Variants in PLXDC2 observed in about 807,000 individuals in gnomAD.
PLXDC2 encodes the protein plexin domain containing 2.
PLXDC2 carries 40 observed loss-of-function variants against 68.9 expected under a neutral mutation model. That is an observed-to-expected ratio of 0.58 (90% CI 0.45 to 0.76). PLXDC2 has a LOEUF of 0.76. Among genes scored for constraint, PLXDC2 ranks in the 30% least tolerant of loss-of-function variants. The pLI is 0.00. For synonymous variants in PLXDC2, 243 were observed against 234.2 expected, an observed-to-expected ratio of 1.04 and a Z score of -0.34; for missense variants, 644 against 661.9, an observed-to-expected ratio of 0.97 and a Z score of 0.30.
chr10:20,133,986 G>A (rs1187664739), intron 4 of PLXDC2, among the ~76,000 whole-genome samples: 1 of 152,092 alleles, frequency 6.6e-6, no homozygotes, highest in Admixed American at 6.6e-5. Context: ...TAACAAGTCT[G>A]CTGTTGAACC....
At chr10:19,925,299 C>G (rs1833522495) in intron 1 of PLXDC2, among the ~76,000 whole-genome samples, 2 of 152,176 alleles carry the variant, frequency 1.3e-5, no homozygotes, top group South Asian at 4.1e-4. Context: ...AGCAGCCAAG[C>G]AATTCTGCTG....
chr10:19,840,233 C>T (rs59332810), intron 1 of PLXDC2, among the ~76,000 whole-genome samples: 94 of 151,836 alleles, frequency 6.2e-4, no homozygotes, highest in African/African-American at 2.2e-3. Context: ...AGGATTAAAA[C>T]TAAAATAAAA....
chr10:20,235,265 T>G (rs1835418520), intron 12 of PLXDC2, among the ~76,000 whole-genome samples: 1 of 152,166 alleles, frequency 6.6e-6, no homozygotes, highest in African/African-American at 2.4e-5. Context: ...CTTCTTTCCA[T>G]GAGTAATTTC....
intron 1 of PLXDC2, among the ~76,000 whole-genome samples, chr10:19,844,459 C>T (rs1836964698): frequency 6.6e-6 from 1 of 152,132 alleles, no homozygotes; most frequent in South Asian, 2.1e-4. Context: ...AACCACCGGA[C>T]ACTCACAAAT....
At chr10:20,058,572 A>G (rs1193049374) in intron 3 of PLXDC2, among the ~76,000 whole-genome samples, 1 of 152,248 alleles carries the variant, frequency 6.6e-6, no homozygotes, top group Non-Finnish European at 1.5e-5. Flanking sequence ...AATAATTATT[A>G]TGCAAACACT....
At chr10:20,248,353 T>TGGA (rs1267262952) in intron 13 of PLXDC2, among the ~76,000 whole-genome samples, 1 of 152,178 alleles carries the variant, frequency 6.6e-6, no homozygotes, top group African/African-American at 2.4e-5. Context: ...TTATAGAATA[T>TGGA]TAGAGCTAGA....
chr10:19,867,495 A>T (rs118089756), intron 1 of PLXDC2, among the ~76,000 whole-genome samples: 74 of 152,306 alleles, frequency 4.9e-4, no homozygotes, highest in Non-Finnish European at 8.5e-4. Flanking sequence ...GGAGCCAAAC[A>T]TCGGGTAACT....
chr10:20,032,532 G>A (rs918883314), intron 2 of PLXDC2, among the ~76,000 whole-genome samples: 3 of 152,078 alleles, frequency 2.0e-5, no homozygotes, highest in Non-Finnish European at 2.9e-5. Context: ...TACGAGAAAC[G>A]GGGAGACCAG....
chr10:20,275,867 C>T (rs779139902), intron 13 of PLXDC2, among the ~76,000 whole-genome samples: 4 of 151,996 alleles, frequency 2.6e-5, no homozygotes, highest in Non-Finnish European at 4.4e-5. Flanking sequence ...GAGCTGAGAT[C>T]GCGCCACTGC....
intron 7 of PLXDC2, among the ~76,000 whole-genome samples, chr10:20,166,155 T>C (rs946515515): frequency 3.9e-5 from 6 of 152,186 alleles, no homozygotes; most frequent in Non-Finnish European, 7.3e-5. Context: ...CTCTCAACTG[T>C]AGACAGCAAC....
intron 2 of PLXDC2, among the ~76,000 whole-genome samples, chr10:20,028,929 C>A (rs141886558): frequency 1.2e-3 from 181 of 152,270 alleles, no homozygotes; most frequent in African/African-American, 4.2e-3. Flanking sequence ...GACAGACATT[C>A]GAGGCTTTGT....
chr10:20,094,409 G>A (rs944008901), intron 4 of PLXDC2, among the ~76,000 whole-genome samples: 5 of 151,830 alleles, frequency 3.3e-5, no homozygotes, highest in African/African-American at 1.2e-4. Context: ...ACCTCATATG[G>A]GTTTGATTTT....
chr10:20,068,624 AT>A (rs1176442812), intron 4 of PLXDC2, among the ~76,000 whole-genome samples: 2 of 147,910 alleles, frequency 1.4e-5, no homozygotes, highest in African/African-American at 2.5e-5. Context: ...TTATATATAT[AT>A]AATATATATT....
At chr10:19,867,935 C>T (rs1168524806) in intron 1 of PLXDC2, among the ~76,000 whole-genome samples, 1 of 152,102 alleles carries the variant, frequency 6.6e-6, no homozygotes, top group Non-Finnish European at 1.5e-5. Context: ...AATAAAATGT[C>T]TGTAAAATAT....
At chr10:20,018,812 G>A (rs1165976840) in intron 2 of PLXDC2, among the ~76,000 whole-genome samples, 1 of 152,056 alleles carries the variant, frequency 6.6e-6, no homozygotes, top group Non-Finnish European at 1.5e-5. Context: ...AATAAGACAG[G>A]AGCTGTTCTA....
intron 1 of PLXDC2, among the ~76,000 whole-genome samples, chr10:19,944,857 C>G (rs1430378900): frequency 2.0e-5 from 3 of 152,160 alleles, no homozygotes; most frequent in Non-Finnish European, 2.9e-5. Flanking sequence ...GAGGCTGAGG[C>G]AGGAGAAGTG....
At chr10:20,278,667 G>GA (rs1157651657) in intron 13 of PLXDC2, among the ~76,000 whole-genome samples, 1 of 151,824 alleles carries the variant, frequency 6.6e-6, no homozygotes, top group Non-Finnish European at 1.5e-5. Context: ...TACCTGATGT[G>GA]AAAAACTTTC....
intron 13 of PLXDC2, among the ~76,000 whole-genome samples, chr10:20,276,926 T>C (rs1320711531): frequency 6.6e-6 from 1 of 152,140 alleles, no homozygotes; most frequent in Non-Finnish European, 1.5e-5. Flanking sequence ...CTATGCTAAC[T>C]AAATATTCAG....
At chr10:20,049,423 C>T (rs969955176) in intron 3 of PLXDC2, among the ~76,000 whole-genome samples, 2 of 151,930 alleles carry the variant, frequency 1.3e-5, no homozygotes, top group Non-Finnish European at 2.9e-5. Context: ...TAAAACTATC[C>T]CTGTTTTCAG....
Sources: gnomAD v4.1 joint callset for allele counts (sites outside exome capture counted in the v4.1 genomes callset) on GRCh38, gnomAD v4.1.1 for gene constraint, MANE v1.5 for transcripts, NCBI Gene and HGNC (gene_info 2026-07-23, HGNC 2026-07-21) for gene names.